MEGF11: variants seen among roughly 807,000 people sequenced by gnomAD.
The protein encoded by MEGF11 is multiple EGF like domains 11.
MEGF11 carries 126 observed loss-of-function variants against 146.6 expected under a neutral mutation model. That is an observed-to-expected ratio of 0.86 (90% CI 0.74 to 1.00). The LOEUF (loss-of-function observed/expected upper bound fraction) is 1.00. Among genes scored for constraint, MEGF11 ranks in the 50% least tolerant of loss-of-function variants. The pLI is 0.00. For missense variants in MEGF11, 1,509 were observed against 1,521.2 expected (o/e 0.99, Z 0.13); for synonymous variants, 532 against 583.4 (o/e 0.91, Z 1.27).
chr15:65,898,176 C>T (rs1304125064), intron 25 of MEGF11, 82 bp from the exon 26 acceptor site: 4 of 1,498,120 alleles, frequency 2.7e-6, no homozygotes, highest in Non-Finnish European at 3.6e-6. Flanking sequence ...TTCTACTTAA[C>T]TTGGGGAAAG....
At position 65,965,584 on chromosome 15, in the gene MEGF11, C is replaced by CTTTTTTTTTTTTT. The variant is rs1387990562; in HGVS notation, c.900-465_900-464insAAAAAAAAAAAAA. On this transcript the variant is annotated intron_variant, in intron 8 of 25. Transcript: ENST00000395614. ...GCCAGTGAGGTCCCTTTCTTTCTTT[C>CTTTTTTTTTTTTT]TTTCTTTCTTTCTTTCTTTTTTTTT... Among the ~76,000 whole-genome samples the CTTTTTTTTTTTTT allele has an allele frequency of 2.5e-4, 3 of 12,156 alleles. 1 individual carries two copies. The highest frequency in any genetic ancestry group is 1.5e-4 in the African/African-American group (1 of 6,512). The allele number at this position is 12,156 out of a possible 152,430, so 8.0% of individuals were successfully genotyped here. A position where few individuals can be genotyped will look rare whatever the true frequency, so the allele number is the denominator to read the frequency against.
intron 1 of MEGF11, among the ~76,000 whole-genome samples, chr15:66,238,684 C>G (rs2092146865): frequency 6.6e-6 from 1 of 152,206 alleles, no homozygotes. Flanking sequence ...AAAACTGAGG[C>G]AAGGGTGTCT....
At chr15:66,198,844 G>C (rs2091077350) in intron 1 of MEGF11, among the ~76,000 whole-genome samples, 1 of 152,216 alleles carries the variant, frequency 6.6e-6, no homozygotes, top group Admixed American at 6.5e-5. Flanking sequence ...AAACTCCTGG[G>C]CTCAAGCCAT....
At chr15:66,229,113 T>A (rs1336898950) in intron 1 of MEGF11, among the ~76,000 whole-genome samples, 1 of 152,154 alleles carries the variant, frequency 6.6e-6, no homozygotes, top group Non-Finnish European at 1.5e-5. Context: ...TCACCACTTG[T>A]CACCTGCCAG....
chr15:65,964,232 G>A (rs1157424125), intron 9 of MEGF11, among the ~76,000 whole-genome samples: 1 of 152,208 alleles, frequency 6.6e-6, no homozygotes, highest in Non-Finnish European at 1.5e-5. Flanking sequence ...GGCTCCTTTG[G>A]AAGTGGGGGG....
intron 5 of MEGF11, among the ~76,000 whole-genome samples, chr15:65,998,896 C>G (rs1015527485): frequency 6.6e-6 from 1 of 152,136 alleles, no homozygotes; most frequent in African/African-American, 2.4e-5. Flanking sequence ...GCTGGAACAT[C>G]CTGGGAGCTC....
At position 65,982,288 on chromosome 15, in the gene MEGF11, G is replaced by T; in HGVS notation, c.595C>A (p.Pro199Thr). 1 of 1,540,028 alleles carries T rather than the reference G, an allele frequency of 6.5e-7. No homozygotes were observed. The highest frequency in any genetic ancestry group is 8.7e-7 in the Non-Finnish European group (1 of 1,145,550). Reference protein sequence around the residue: ...CQCRHGASCDPRAGECLCAPG... With the variant: ...CQCRHGASCDTRAGECLCAPG... ...GCGCAGAGGCACTCGCCGGCGCGGG[G>T]GTCGCAGCTGGCACCGTGTCGGCAC... The change falls in exon 6 of 26, where the codon CCC becomes ACC. Residue 199 changes from proline to threonine, a missense_variant. Physicochemically the swap from Pro to Thr is conservative, Grantham distance 38 (BLOSUM62 -1). Coordinates refer to ENST00000395614, the MANE Select transcript of MEGF11 (RefSeq NM_001385028.1). The surrounding 1 kb of genome is among the most constrained non-coding windows in gnomAD (Gnocchi z 5.6).
intron 10 of MEGF11, among the ~76,000 whole-genome samples, chr15:65,933,006 C>G (rs896086248): frequency 6.6e-6 from 1 of 152,090 alleles, no homozygotes; most frequent in Non-Finnish European, 1.5e-5. Flanking sequence ...CTTCTCAACT[C>G]TAAGGGTCCA....
At chr15:66,043,133 C>T (rs554176269) in intron 5 of MEGF11, among the ~76,000 whole-genome samples, 55 of 152,350 alleles carry the variant, frequency 3.6e-4, no homozygotes, top group Admixed American at 3.0e-3. Flanking sequence ...CTTTCCTTGT[C>T]TTCACATATT....
At chr15:66,253,038 C>T (rs2092397774) in intron 1 of MEGF11, among the ~76,000 whole-genome samples, 1 of 152,242 alleles carries the variant, frequency 6.6e-6, no homozygotes, top group Admixed American at 6.5e-5. Flanking sequence ...GTTCCGCCTC[C>T]CTTCTCCCAA....
chr15:66,246,778 T>G (rs12902078), intron 1 of MEGF11, among the ~76,000 whole-genome samples: 20,726 of 152,146 alleles, frequency 0.14, 1,795 homozygotes, highest in Non-Finnish European at 0.19. Context: ...ACCACTGCAC[T>G]CCAGCCTGGG....
chr15:65,984,691 C>T (rs530659658), intron 5 of MEGF11, among the ~76,000 whole-genome samples: 3 of 152,160 alleles, frequency 2.0e-5, no homozygotes, highest in African/African-American at 4.8e-5. Flanking sequence ...GCCAAGCACA[C>T]GTAGTTGAAT....
chr15:66,134,850 A>T (rs899698869), intron 1 of MEGF11, among the ~76,000 whole-genome samples: 4 of 152,280 alleles, frequency 2.6e-5, no homozygotes, highest in African/African-American at 4.8e-5. Context: ...ACCTGGGAGC[A>T]GAAAGAGTCC....
intron 1 of MEGF11, among the ~76,000 whole-genome samples, chr15:66,224,269 G>C (rs1471461236): frequency 6.6e-6 from 1 of 152,092 alleles, no homozygotes; most frequent in African/African-American, 2.4e-5. Context: ...GTGGATAAAA[G>C]GAATTAATGC....
chr15:66,018,880 G>GAGAGA (rs2082992971), intron 5 of MEGF11, among the ~76,000 whole-genome samples: 1 of 152,258 alleles, frequency 6.6e-6, no homozygotes, highest in African/African-American at 2.4e-5. Flanking sequence ...TGTAGAGCAG[G>GAGAGA]AGAGAAGAGA....
At chr15:65,923,950 C>G (rs996416601) in intron 13 of MEGF11, among the ~76,000 whole-genome samples, 2 of 152,126 alleles carry the variant, frequency 1.3e-5, no homozygotes, top group African/African-American at 4.8e-5. Flanking sequence ...CATGTGAGCC[C>G]AGGAGATTGG....
chr15:66,104,958 G>A (rs1328742000), intron 4 of MEGF11, among the ~76,000 whole-genome samples: 3 of 152,110 alleles, frequency 2.0e-5, no homozygotes, highest in Admixed American at 1.3e-4. Flanking sequence ...ATGCTGCTTA[G>A]TGCCCGGGTA....
chr15:66,249,653 A>G (rs910910510), intron 1 of MEGF11, among the ~76,000 whole-genome samples: 7 of 152,198 alleles, frequency 4.6e-5, no homozygotes, highest in Non-Finnish European at 7.4e-5. Flanking sequence ...AGGCTTCCCC[A>G]TCTTATAATC....
chr15:66,111,497 G>C (rs888607257), intron 4 of MEGF11, among the ~76,000 whole-genome samples: 3 of 152,248 alleles, frequency 2.0e-5, no homozygotes, highest in African/African-American at 7.2e-5. Flanking sequence ...GTTTATAGGA[G>C]AGCAGAATGT....
Sources: allele counts gnomAD v4.1 joint callset (sites outside exome capture counted in the v4.1 genomes callset), GRCh38; gene constraint gnomAD v4.1.1; non-coding constraint Gnocchi (gnomAD v3.1); transcripts MANE v1.5; gene names NCBI Gene and HGNC (gene_info 2026-07-23, HGNC 2026-07-21).